The following SLC67A1 variants were observed in gnomAD, a reference collection of about 807,000 sequenced individuals.
The protein encoded by SLC67A1 is solute carrier family 67 member 1, also known as solute carrier family 67 member A1.
chr11:2,919,356 G>A, the SLC67A1 span: 1 of 1,613,952 alleles, frequency 6.2e-7, no homozygotes, highest in Non-Finnish European at 8.5e-7. Flanking sequence ...TCTTCCAGCT[G>A]GAGGCCGCCC....
At chr11:2,903,453 A>ACTTAC in the SLC67A1 span, 2 of 1,612,966 alleles carry the variant, frequency 1.2e-6, no homozygotes, top group Non-Finnish European at 1.7e-6. Flanking sequence ...CCGCCACAGA[A>ACTTAC]CTTACCTGCC....
chr11:2,924,992 C>A, the SLC67A1 span: 40 of 1,591,876 alleles, frequency 2.5e-5, no homozygotes, highest in East Asian at 1.8e-4. The surrounding 1 kb of genome is among the most constrained non-coding windows in gnomAD (Gnocchi z 8.6). Context: ...GGCCTGACTA[C>A]CCCCATGCAC....
chr11:2,906,304 CAT>C, the SLC67A1 span, among the ~76,000 whole-genome samples: 33 of 152,210 alleles, frequency 2.2e-4, no homozygotes, highest in African/African-American at 3.4e-4. Context: ...TTGTGGAAGA[CAT>C]GTGGCGATTC....
chr11:2,909,170 G>T, the SLC67A1 span: 1 of 1,482,508 alleles, frequency 6.7e-7, no homozygotes, highest in South Asian at 1.3e-5. Flanking sequence ...CCTCCGTGAG[G>T]GTCCGACCCG....
chr11:2,915,819 C>T, the SLC67A1 span, among the ~76,000 whole-genome samples: 1 of 152,292 alleles, frequency 6.6e-6, no homozygotes, highest in African/African-American at 2.4e-5. Flanking sequence ...GCTGGCTGAG[C>T]CCCCAGGAGG....
At chr11:2,923,625 T>C in the SLC67A1 span, among the ~76,000 whole-genome samples, 2 of 152,350 alleles carry the variant, frequency 1.3e-5, no homozygotes, top group East Asian at 1.9e-4. The surrounding 1 kb of genome is among the most constrained non-coding windows in gnomAD (Gnocchi z 6.5). Flanking sequence ...GTGCATGGGC[T>C]GATGCAGGCT....
At chr11:2,919,362 C>T in the SLC67A1 span, 33 of 1,613,784 alleles carry the variant, frequency 2.0e-5, no homozygotes, top group South Asian at 1.5e-4. Context: ...AGCTGGAGGC[C>T]GCCCAAGCTG....
chr11:2,905,839 C>T, the SLC67A1 span, among the ~76,000 whole-genome samples: 2 of 152,170 alleles, frequency 1.3e-5, no homozygotes, highest in African/African-American at 4.8e-5. Flanking sequence ...ATTGCCACCC[C>T]CTCAAAAGGG....
the SLC67A1 span, among the ~76,000 whole-genome samples, chr11:2,917,475 C>T: frequency 1.3e-5 from 2 of 152,122 alleles, no homozygotes; most frequent in South Asian, 2.1e-4. Context: ...AGGAAGGACT[C>T]GGTGAGCCGG....
At chr11:2,917,882 C>A in the SLC67A1 span, 1 of 783,860 alleles carries the variant, frequency 1.3e-6, no homozygotes, top group Non-Finnish European at 2.0e-6. Flanking sequence ...GAAGCTTTAC[C>A]CTGGCGGGCG....
chr11:2,908,503 C>T, the SLC67A1 span, among the ~76,000 whole-genome samples: 1 of 152,224 alleles, frequency 6.6e-6, no homozygotes, highest in African/African-American at 2.4e-5. Flanking sequence ...CCCTGGTAGG[C>T]TCCCGGGTGT....
chr11:2,910,275 A>G, the SLC67A1 span, among the ~76,000 whole-genome samples: 1 of 152,158 alleles, frequency 6.6e-6, no homozygotes, highest in East Asian at 1.9e-4. Flanking sequence ...CATTGCCCCC[A>G]GGACTCTGGT....
chr11:2,903,268 T>A, the SLC67A1 span: 2 of 1,566,700 alleles, frequency 1.3e-6, no homozygotes, highest in Non-Finnish European at 1.7e-6. Context: ...CCTGCCCGGA[T>A]CAACTGGACT....
the SLC67A1 span, among the ~76,000 whole-genome samples, chr11:2,924,343 AG>A: frequency 1.3e-5 from 2 of 151,950 alleles, no homozygotes; most frequent in Non-Finnish European, 2.9e-5. This position sits in a 1 kb window ranked among gnomAD's most constrained non-coding sequence, Gnocchi z 8.6. Context: ...CAGCCCTGTG[AG>A]GGGGAGTTCC....
the SLC67A1 span, among the ~76,000 whole-genome samples, chr11:2,912,106 G>T: frequency 1.3e-5 from 2 of 152,210 alleles, no homozygotes; most frequent in African/African-American, 4.8e-5. Context: ...GGCAGTGTGG[G>T]ACTCCCTCAG....
At chr11:2,920,905 G>A in the SLC67A1 span, 1 of 152,184 alleles carries the variant, frequency 6.6e-6, no homozygotes, top group Non-Finnish European at 1.5e-5. Context: ...TGCACGAAGT[G>A]AGCTTGCCAG....
the SLC67A1 span, chr11:2,922,129 C>G: frequency 1.9e-6 from 3 of 1,613,360 alleles, no homozygotes; most frequent in Non-Finnish European, 2.5e-6. Flanking sequence ...CATCGGGCAG[C>G]TGAGCAGCCA....
At chr11:2,900,458 C>T in the SLC67A1 span, among the ~76,000 whole-genome samples, 1 of 150,832 alleles carries the variant, frequency 6.6e-6, no homozygotes, top group Non-Finnish European at 1.5e-5. Flanking sequence ...TTTGGGAGGC[C>T]GAGGGGGGGC....
At chr11:2,909,701 C>T in the SLC67A1 span, 33 of 1,536,804 alleles carry the variant, frequency 2.1e-5, 1 homozygote, top group Non-Finnish European at 2.8e-5. Context: ...ACCCTGGTCT[C>T]CGCGTACGGG....
Sources: gnomAD v4.1 joint callset for allele counts (sites outside exome capture counted in the v4.1 genomes callset) on GRCh38, gnomAD v4.1.1 for gene constraint, Gnocchi (gnomAD v3.1) non-coding constraint, MANE v1.5 for transcripts, NCBI Gene and HGNC (gene_info 2026-07-23, HGNC 2026-07-21) for gene names.